Variants in SMYD3 observed in about 807,000 individuals in gnomAD.
SMYD3 encodes SET and MYND domain containing 3.
Under a neutral mutation model 57.7 loss-of-function variants are expected in SMYD3, and 36 were observed. The observed-to-expected ratio is 0.62, with a 90% CI of 0.48 to 0.82. The LOEUF is 0.82. Among genes scored for constraint, SMYD3 ranks in the 40% least tolerant of loss-of-function variants. The probability of loss-of-function intolerance (pLI) is 0.00; values close to 1 mark genes in which losing one functional copy is unlikely to be tolerated. For missense variants in SMYD3, 515 were observed against 538.8 expected, an observed-to-expected ratio of 0.96 and a Z score of 0.44; for synonymous variants, 211 against 195.0, an observed-to-expected ratio of 1.08 and a Z score of -0.68.
intron 10 of SMYD3, among the ~76,000 whole-genome samples, chr1:245,848,615 TCA>T (rs1278647631): frequency 6.6e-6 from 1 of 152,088 alleles, no homozygotes; most frequent in Admixed American, 6.5e-5. Context: ...TCTTGCTGTG[TCA>T]CCCAGGTCTG....
chr1:246,353,929 A>C (rs560965952), intron 2 of SMYD3, among the ~76,000 whole-genome samples: 1 of 152,248 alleles, frequency 6.6e-6, no homozygotes, highest in Non-Finnish European at 1.5e-5. Flanking sequence ...TGCCAGAATT[A>C]GCATGAGAAC....
intron 5 of SMYD3, among the ~76,000 whole-genome samples, chr1:246,054,872 A>AT (rs2148335845): frequency 7.5e-6 from 1 of 133,370 alleles, no homozygotes; most frequent in Admixed American, 7.2e-5. Context: ...TAGGATGACT[A>AT]TAAAAAAAAA....
At chr1:246,187,348 A>G (rs2062659451) in intron 5 of SMYD3, among the ~76,000 whole-genome samples, 2 of 152,158 alleles carry the variant, frequency 1.3e-5, no homozygotes, top group South Asian at 4.1e-4. Flanking sequence ...AGTGGAAAAG[A>G]TATCAAATAA....
chr1:245,841,172 G>A lies in SMYD3; in HGVS notation c.1076+17324C>T, dbSNP rs546454658. Among the ~76,000 whole-genome samples, 16 of 152,292 alleles carry A rather than the reference G, an allele frequency of 1.1e-4. 2 individuals carry two copies. The highest frequency in any genetic ancestry group is 3.6e-4 in the African/African-American group (15 of 41,582). The stretch of plus-strand genomic sequence containing the variant: ...GACCAATTTGATGAACTGTTAATTT[G>A]CCGATGTTACTAAATTTACCAACTT... On this transcript the variant is annotated intron_variant, in intron 10 of 11. Coordinates refer to ENST00000490107, the MANE Select transcript of SMYD3 (RefSeq NM_001167740.2).
chr1:246,326,201 T>A (rs954712490), intron 5 of SMYD3: 1 of 441,588 alleles, frequency 2.3e-6, no homozygotes, highest in African/African-American at 2.0e-5. Flanking sequence ...AAACGTGTGC[T>A]TACAAATTAC....
At chr1:245,799,754 G>A (rs2047762819) in intron 10 of SMYD3, among the ~76,000 whole-genome samples, 1 of 152,142 alleles carries the variant, frequency 6.6e-6, no homozygotes, top group Non-Finnish European at 1.5e-5. Context: ...AGGCAGAGAA[G>A]CTTCCTGCAG....
At chr1:245,902,557 C>G (rs2054260944) in intron 8 of SMYD3, among the ~76,000 whole-genome samples, 1 of 152,198 alleles carries the variant, frequency 6.6e-6, no homozygotes, top group Admixed American at 6.5e-5. Flanking sequence ...TGCAGACAGT[C>G]TCATGTCATT....
intron 10 of SMYD3, among the ~76,000 whole-genome samples, chr1:245,788,479 T>C (rs1016115063): frequency 1.3e-5 from 2 of 152,204 alleles, no homozygotes; most frequent in Non-Finnish European, 1.5e-5. Flanking sequence ...GGGGATGCTT[T>C]ACTTCCAATT....
At chr1:245,753,665 C>G (rs1172856033) in intron 11 of SMYD3, among the ~76,000 whole-genome samples, 1 of 152,110 alleles carries the variant, frequency 6.6e-6, no homozygotes, top group African/African-American at 2.4e-5. Context: ...GGAGAGGGCC[C>G]TGTGTGGCCC....
At chr1:246,214,340 G>A (rs1234996634) in intron 5 of SMYD3, among the ~76,000 whole-genome samples, 1 of 152,130 alleles carries the variant, frequency 6.6e-6, no homozygotes, top group Non-Finnish European at 1.5e-5. Flanking sequence ...CCAGCTATGA[G>A]TTGTGTACTC....
intron 5 of SMYD3, among the ~76,000 whole-genome samples, chr1:246,180,368 A>C (rs6681376): frequency 0.054 from 7,874 of 145,634 alleles, 249 homozygotes; most frequent in South Asian, 0.085. Context: ...ATAAGTATAT[A>C]TATAAACTAC....
intron 5 of SMYD3, among the ~76,000 whole-genome samples, chr1:246,298,134 T>A (rs985900630): frequency 6.6e-6 from 1 of 151,936 alleles, no homozygotes; most frequent in East Asian, 1.9e-4. Flanking sequence ...ACCTGCAGGT[T>A]CACAGACAGT....
At chr1:246,280,253 G>C (rs914134425) in intron 5 of SMYD3, among the ~76,000 whole-genome samples, 12 of 152,008 alleles carry the variant, frequency 7.9e-5, no homozygotes, top group Non-Finnish European at 1.5e-5. Context: ...AACCAGCTAG[G>C]AAAAAAATAG....
At chr1:245,988,765 G>A (rs1293882631) in intron 5 of SMYD3, among the ~76,000 whole-genome samples, 1 of 152,238 alleles carries the variant, frequency 6.6e-6, no homozygotes, top group Non-Finnish European at 1.5e-5. Flanking sequence ...GAACGGTTTG[G>A]GAGGAGGCTG....
intron 2 of SMYD3, among the ~76,000 whole-genome samples, chr1:246,336,905 T>C (rs988237912): frequency 1.3e-5 from 2 of 152,234 alleles, no homozygotes; most frequent in Non-Finnish European, 2.9e-5. Context: ...GAAGGCATAA[T>C]GGCTTATATA....
At chr1:246,473,898 C>T (rs750550772) in intron 1 of SMYD3, among the ~76,000 whole-genome samples, 2 of 152,216 alleles carry the variant, frequency 1.3e-5, no homozygotes, top group African/African-American at 2.4e-5. Flanking sequence ...TTGCAGCAGC[C>T]GATTGTTGCC....
intron 5 of SMYD3, among the ~76,000 whole-genome samples, chr1:246,020,927 T>C (rs2059459930): frequency 6.6e-6 from 1 of 152,196 alleles, no homozygotes; most frequent in East Asian, 1.9e-4. Context: ...CTCCCTCTTC[T>C]TAAGGCCTAC....
intron 5 of SMYD3, among the ~76,000 whole-genome samples, chr1:246,217,009 T>C (rs12081227): frequency 0.26 from 40,225 of 151,846 alleles, 6,029 homozygotes; most frequent in East Asian, 0.58. Context: ...TTACAAAAAA[T>C]CTATTCCACA....
chr1:246,157,659 C>G (rs2062043296), intron 5 of SMYD3, among the ~76,000 whole-genome samples: 3 of 152,144 alleles, frequency 2.0e-5, no homozygotes, highest in African/African-American at 7.2e-5. Flanking sequence ...TTTTCCCCCC[C>G]ATAGGTCAGC....
Sources: allele counts gnomAD v4.1 joint callset (sites outside exome capture counted in the v4.1 genomes callset), GRCh38; gene constraint gnomAD v4.1.1; transcripts MANE v1.5; gene names NCBI Gene and HGNC (gene_info 2026-07-23, HGNC 2026-07-21).